MSRA: variants seen among roughly 807,000 people sequenced by gnomAD.
MSRA encodes mitochondrial peptide methionine sulfoxide reductase.
A neutral mutation model predicts 31.3 loss-of-function variants in MSRA; 54 were observed. The ratio of observed to expected loss-of-function variants is 1.73; its 90% CI spans 1.39 to 2.17. MSRA has a LOEUF of 2.17. Ranked by LOEUF, MSRA falls within the 30% of genes most tolerant of loss-of-function variation. The probability of loss-of-function intolerance (pLI) is 0.00; values close to 1 mark genes in which losing one functional copy is unlikely to be tolerated. For synonymous variants in MSRA, 169 were observed against 116.5 expected, an observed-to-expected ratio of 1.45 and a Z score of -2.90; for missense variants, 507 against 300.9, an observed-to-expected ratio of 1.69 and a Z score of -5.07.
At chr8:10,181,828 G>C (rs907734022) in intron 1 of MSRA, among the ~76,000 whole-genome samples, 1 of 152,202 alleles carries the variant, frequency 6.6e-6, no homozygotes, top group African/African-American at 2.4e-5. Context: ...GTGCTCTGGA[G>C]ACCTCACTTC....
At chr8:10,342,163 G>T (rs182198456) in intron 5 of MSRA, among the ~76,000 whole-genome samples, 61 of 152,286 alleles carry the variant, frequency 4.0e-4, no homozygotes, top group African/African-American at 1.4e-3. Flanking sequence ...AGTGTGTTGA[G>T]ATTTTTCCGC....
chr8:10,203,226 C>T (rs1157510643), intron 1 of MSRA, among the ~76,000 whole-genome samples: 1 of 152,126 alleles, frequency 6.6e-6, no homozygotes, highest in Non-Finnish European at 1.5e-5. Flanking sequence ...TCTCAGCCAG[C>T]ACTGCCCACC....
At position 10,111,760 on chromosome 8, in the gene MSRA, A is replaced by G. The variant is rs139423743; in HGVS notation, c.142+57102A>G. ...AGATTGAATATCAGTTTTTAGAGAG[A>G]ACTTCTTTTGGTTCACCTGGGTAGC... On this transcript the variant is annotated intron_variant, in intron 1 of 5. Transcript: ENST00000317173. Among the ~76,000 whole-genome samples, 31 of 152,272 alleles carry G rather than the reference A, an allele frequency of 2.0e-4. 1 individual carries two copies. The highest frequency in any genetic ancestry group is 7.5e-4 in the African/African-American group (31 of 41,552).
chr8:10,105,169 T>G (rs1325883036), intron 1 of MSRA, among the ~76,000 whole-genome samples: 2 of 152,236 alleles, frequency 1.3e-5, no homozygotes, highest in African/African-American at 2.4e-5. Context: ...TCCTTTGTTA[T>G]GCTCATCGAA....
intron 3 of MSRA, among the ~76,000 whole-genome samples, chr8:10,296,331 G>T (rs1411943824): frequency 6.6e-6 from 1 of 152,190 alleles, no homozygotes; most frequent in African/African-American, 2.4e-5. Context: ...ATCCTTGTAC[G>T]GAAACACGAA....
chr8:10,318,367 G>A (rs1412407705), intron 4 of MSRA, among the ~76,000 whole-genome samples: 1 of 152,120 alleles, frequency 6.6e-6, no homozygotes, highest in Non-Finnish European at 1.5e-5. Context: ...TGTCAGGCTC[G>A]TGACTACTCT....
intron 1 of MSRA, among the ~76,000 whole-genome samples, chr8:10,184,700 G>A (rs1222420970): frequency 1.3e-5 from 2 of 152,164 alleles, no homozygotes; most frequent in Non-Finnish European, 2.9e-5. Context: ...AACAACTTGT[G>A]TAGACAGGTA....
intron 3 of MSRA, among the ~76,000 whole-genome samples, chr8:10,292,669 G>T (rs558636468): frequency 9.2e-5 from 14 of 152,310 alleles, no homozygotes; most frequent in South Asian, 6.2e-4. Flanking sequence ...CTCTTCCTGG[G>T]GTCCCCAGCT....
At chr8:10,375,474 T>C (rs189032212) in intron 5 of MSRA, among the ~76,000 whole-genome samples, 2 of 152,360 alleles carry the variant, frequency 1.3e-5, no homozygotes, top group East Asian at 3.9e-4. Flanking sequence ...ATGATGTTTG[T>C]GGAGCCAGTG....
intron 5 of MSRA, among the ~76,000 whole-genome samples, chr8:10,350,339 G>C (rs1419519054): frequency 6.6e-6 from 1 of 152,162 alleles, no homozygotes; most frequent in Non-Finnish European, 1.5e-5. Context: ...CCAAGTCTTC[G>C]GCCGCTGCAT....
intron 5 of MSRA, among the ~76,000 whole-genome samples, chr8:10,427,098 T>C (rs1809222388): frequency 6.6e-6 from 1 of 152,176 alleles, no homozygotes; most frequent in South Asian, 2.1e-4. Flanking sequence ...TTGGCAGACT[T>C]GAAGACTTCA....
At chr8:10,078,439 C>T (rs17739113) in intron 1 of MSRA, among the ~76,000 whole-genome samples, 14,997 of 152,274 alleles carry the variant, frequency 0.098, 823 homozygotes, top group African/African-American at 0.14. Context: ...CAGCCCCGTT[C>T]ACATGGTTGC....
chr8:10,221,875 A>G (rs571804746), intron 2 of MSRA, among the ~76,000 whole-genome samples: 2 of 152,270 alleles, frequency 1.3e-5, no homozygotes, highest in South Asian at 4.1e-4. Context: ...AAGGAATGCA[A>G]GTACAAAGGC....
chr8:10,325,859 A>G (rs561301009), intron 5 of MSRA, among the ~76,000 whole-genome samples: 3 of 152,196 alleles, frequency 2.0e-5, no homozygotes, highest in Non-Finnish European at 4.4e-5. Flanking sequence ...TATCTAGGGT[A>G]AGCTTGAACA....
chr8:10,329,108 C>G (rs1412779844), intron 5 of MSRA, among the ~76,000 whole-genome samples: 3 of 152,228 alleles, frequency 2.0e-5, no homozygotes, highest in Non-Finnish European at 4.4e-5. Context: ...AACTGCCTTC[C>G]TCTCACTACT....
At chr8:10,056,198 CAAA>C (rs35457688) in intron 1 of MSRA, among the ~76,000 whole-genome samples, 5 of 91,016 alleles carry the variant, frequency 5.5e-5, no homozygotes, top group Admixed American at 2.5e-4. Context: ...TCCCATACAC[CAAA>C]AAAAAAAAAA....
At chr8:10,222,333 A>G (rs138055765) in intron 2 of MSRA, among the ~76,000 whole-genome samples, 2 of 152,312 alleles carry the variant, frequency 1.3e-5, no homozygotes, top group Admixed American at 6.5e-5. Context: ...GCCCTTTTAA[A>G]TGACACATTA....
At chr8:10,203,021 C>A (rs867710804) in intron 1 of MSRA, among the ~76,000 whole-genome samples, 9 of 152,004 alleles carry the variant, frequency 5.9e-5, no homozygotes, top group Middle Eastern at 6.8e-3. Context: ...GCCTGCGGTC[C>A]ACAGGACTGA....
Position 10,137,734 on chromosome 8 carries a change from G to A in MSRA, c.143-70099G>A, listed in dbSNP as rs1380533838. Reference sequence around the variant, plus strand: ...AGTGGTGACTGGGGAGGTATAAGGAGCTTAGAGCCTGGATGGGTGCCTGCC... The same window carrying A: ...AGTGGTGACTGGGGAGGTATAAGGAACTTAGAGCCTGGATGGGTGCCTGCC... On this transcript the variant is annotated intron_variant, in intron 1 of 5. Transcript: ENST00000317173. Among the ~76,000 whole-genome samples the A allele has an allele frequency of 2.6e-5, 4 of 152,278 alleles. No homozygotes were observed. In the East Asian group the frequency reaches 5.8e-4, roughly 22 times the overall value.
Sources: gnomAD v4.1 joint callset for allele counts (sites outside exome capture counted in the v4.1 genomes callset) on GRCh38, gnomAD v4.1.1 for gene constraint, MANE v1.5 for transcripts, NCBI Gene and HGNC (gene_info 2026-07-23, HGNC 2026-07-21) for gene names.